The following ALPK3 variants were observed in gnomAD, a reference collection of about 807,000 sequenced individuals.
ALPK3 encodes alpha-protein kinase 3.
ALPK3 carries 102 observed loss-of-function variants against 140.0 expected under a neutral mutation model. The ratio of observed to expected loss-of-function variants is 0.73; its 90% confidence interval spans 0.62 to 0.86. The LOEUF (loss-of-function observed/expected upper bound fraction) is 0.86. Ranked by LOEUF, ALPK3 falls within the 40% of genes least tolerant of loss-of-function variation. ALPK3 has a pLI of 0.00. For missense variants in ALPK3, 2,254 were observed against 2,208.2 expected (o/e 1.02, Z -0.42); for synonymous variants, 938 against 898.5 (o/e 1.04, Z -0.79).
At chr15:84,823,640 C>T (rs1963453641) in intron 2 of ALPK3, among the ~76,000 whole-genome samples, 1 of 152,190 alleles carries the variant, frequency 6.6e-6, no homozygotes. Flanking sequence ...AATGACATCT[C>T]TGTGTCCCTA....
Position 84,868,693 on chromosome 15 carries a change from A to C in ALPK3, c.*237A>C. The C allele has an allele frequency of 1.8e-6, 1 of 566,732 alleles. No individual in the cohort carries two copies. Among genetic ancestry groups the C allele is most frequent in the Admixed American group, 3.1e-5 (1 of 32,508 alleles). The allele number at this position is 566,732 out of a possible 1,614,324, so 35.1% of individuals were successfully genotyped here. ...CTGTCACCCAGGGCTCCCGGGCCTCAAGCAGTCCCCACCTCCAAGTGCCTG... is the reference window on the plus strand; with the variant it reads ...CTGTCACCCAGGGCTCCCGGGCCTCCAGCAGTCCCCACCTCCAAGTGCCTG... On this transcript the variant is annotated 3_prime_UTR_variant, in exon 14 of 14. Coordinates refer to ENST00000258888, the MANE Select transcript of ALPK3 (RefSeq NM_020778.5).
chr15:84,832,577 C>T (rs1596147587), intron 3 of ALPK3, among the ~76,000 whole-genome samples: 1 of 152,158 alleles, frequency 6.6e-6, no homozygotes, highest in South Asian at 2.1e-4. Context: ...AGAGCTCTTG[C>T]TCCATCCTCC....
At position 84,817,566 on chromosome 15, in the gene ALPK3, C is replaced by G; in HGVS notation, c.114C>G (p.Ser38Arg). 6.7e-7 allele frequency: 1 copy of G among 1,502,406 alleles called. No individual in the cohort carries two copies. Among genetic ancestry groups the G allele is most frequent in the African/African-American group, 1.4e-5 (1 of 69,034 alleles). 93.1% of individuals were successfully genotyped at this position (1,502,406 alleles called of 1,614,324 possible). ...GGATCCCCAGCCCAGCCAGCCGGAG[C>G]TACCTGCTCAGCGTGCGGCCCGAGA... ...PVWIPSPASR[S>R]YLLSVRPETS... Residue 38 changes from serine (S) to arginine (R), a missense_variant, in exon 1 of 14, where the codon AGC becomes AGG. Ser to Arg is a moderately radical substitution (Grantham distance 110, BLOSUM62 -1). Coordinates refer to ENST00000258888, the MANE Select transcript of ALPK3 (RefSeq NM_020778.5).
At chr15:84,867,467 GC>G (rs1225755865) in intron 13 of ALPK3, 102 bp downstream of exon 13, 1 of 1,379,846 alleles carries the variant, frequency 7.2e-7, no homozygotes, top group African/African-American at 1.4e-5. Context: ...TGGGCCTGGG[GC>G]CAAGTGGTCC....
chr15:84,839,998 G>T lies in ALPK3; in HGVS notation c.719G>T (p.Arg240Met), dbSNP rs1165632011. The change falls in exon 5 of 14, where the codon AGG (arginine) becomes ATG (methionine). Residue 240 changes from arginine (R) to methionine (M), a missense_variant. By Grantham distance (91) the Arg-to-Met change is moderately conservative. Transcript: ENST00000258888. Reference protein sequence around the residue: ...AQAPGPSVPTREPEGGTLAAW... With the variant: ...AQAPGPSVPTMEPEGGTLAAW... The stretch of plus-strand genomic sequence containing the variant: ...GCGCCGGGCCCCTCGGTCCCTACCA[G>T]GGAGCCTGAGGGTGGGACCCTGGCG... The T allele has an allele frequency of 6.2e-7, 1 of 1,613,590 alleles. No individual in the cohort carries two copies. The highest frequency in any genetic ancestry group is 1.7e-5 in the Admixed American group (1 of 59,900).
At chr15:84,848,828 A>G (rs551012875) in intron 5 of ALPK3, among the ~76,000 whole-genome samples, 4 of 152,300 alleles carry the variant, frequency 2.6e-5, no homozygotes, top group African/African-American at 9.6e-5. Flanking sequence ...TTAATATCAG[A>G]CAGAGTAGAT....
chr15:84,867,162 A>G (rs142115663), intron 12 of ALPK3, among the ~76,000 whole-genome samples, 155 bp from the exon 13 acceptor site: 44 of 151,808 alleles, frequency 2.9e-4, no homozygotes, highest in African/African-American at 1.1e-3. Context: ...ACTGACACCC[A>G]GGAAGTTGAT....
rs878956261 is a variant in ALPK3 at position 84,859,450 on chromosome 15, G to T, written c.3965+60G>T. On this transcript the variant is annotated intron_variant, in intron 7 of 13. Coordinates refer to ENST00000258888, the MANE Select transcript of ALPK3 (RefSeq NM_020778.5). ...TCCCTGATTGCAGTAATACCGTTGG[G>T]CACTGTCCTAGTGCTTTGAACCTAT... 1.9e-6 allele frequency: 3 copies of T among 1,596,500 alleles called. No individual in the cohort carries two copies. The East Asian group carries it at 6.7e-5, about 36-fold the overall frequency.
At chr15:84,824,326 C>A (rs1414527818) in intron 2 of ALPK3, among the ~76,000 whole-genome samples, 5 of 152,176 alleles carry the variant, frequency 3.3e-5, no homozygotes, top group Admixed American at 6.5e-5. Flanking sequence ...TGTCTTCTTG[C>A]CTCCTGAACT....
rs1284321608 is a variant in ALPK3 at position 84,869,698 on chromosome 15, CA to C, written c.*1243del. 1 of 152,684 alleles carries C rather than the reference CA, an allele frequency of 6.5e-6. No homozygotes were observed. Among genetic ancestry groups the C allele is most frequent in the African/African-American group, 2.4e-5 (1 of 41,448 alleles). 9.5% of individuals were successfully genotyped at this position (152,684 alleles called of 1,614,324 possible). The stretch of plus-strand genomic sequence containing the variant: ...GGAGGCCTGGGATGGGGTAGGTCTG[CA>C]GCTAGCCTACTCCCTTTGGAATGCA... On this transcript the variant is annotated 3_prime_UTR_variant, in exon 14 of 14. Transcript: ENST00000258888.
At chr15:84,841,044 TGGGGAGGGACTGGAG>T in intron 5 of ALPK3, 112 bp downstream of exon 5, 1 of 1,383,732 alleles carries the variant, frequency 7.2e-7, no homozygotes, top group Non-Finnish European at 9.5e-7. Context: ...TAGAAAGGGG[TGGGGAGGGACTGGAG>T]TGCCAGCTAC....
At chr15:84,838,600 C>CATT (rs10625181) in intron 3 of ALPK3, among the ~76,000 whole-genome samples, 13,976 of 114,898 alleles carry the variant, frequency 0.12, 873 homozygotes, top group Non-Finnish European at 0.14. Context: ...TCTCTCCTCC[C>CATT]ATTATTATTA....
rs1193683413 is a variant in ALPK3 at position 84,858,113 on chromosome 15, A to T, written c.3375A>T (p.Gly1125=). 6.3e-7 allele frequency: 1 copy of T among 1,579,084 alleles called. No individual in the cohort carries two copies. Among genetic ancestry groups the T allele is most frequent in the Middle Eastern group, 1.7e-4 (1 of 5,852 alleles). ...AGGCGGGTGGGCAGGCAGCCCCTGG[A>T]CAGGGGCCCTCAGCAGAGAGCATAG... ...LGEAGGQAAP[G]QGPSAESIAQ... Residue 1125 remains glycine (G), a synonymous_variant, in exon 6 of 14, where the codon GGA becomes GGT. Transcript: ENST00000258888.
rs1022937139 is a variant in ALPK3 at position 84,868,560 on chromosome 15, C to G, written c.*104C>G. 1.7e-6 allele frequency: 2 copies of G among 1,145,006 alleles called. No individual in the cohort carries two copies. The highest frequency in any genetic ancestry group is 2.4e-6 in the Non-Finnish European group (2 of 831,958). The allele number at this position is 1,145,006 out of a possible 1,614,324, so 70.9% of individuals were successfully genotyped here. A position where few individuals can be genotyped will look rare whatever the true frequency, so the allele number is the denominator to read the frequency against. On this transcript the variant is annotated 3_prime_UTR_variant, in exon 14 of 14. Transcript: ENST00000258888. ...TATGGAACTAACTGGAGAAGGTGCA[C>G]GAAGGAGACACCACTTGGGGACCTC...
At chr15:84,845,952 C>T (rs973836011) in intron 5 of ALPK3, among the ~76,000 whole-genome samples, 8 of 152,216 alleles carry the variant, frequency 5.3e-5, no homozygotes, top group South Asian at 2.1e-4. Flanking sequence ...CCCACCTACT[C>T]GGGAGGCTGA....
Position 84,854,346 on chromosome 15 carries a change from G to T in ALPK3, c.1654-2046G>T, listed in dbSNP as rs139519478. Among the ~76,000 whole-genome samples the T allele has an allele frequency of 6.4e-3, 974 of 152,038 alleles. 5 individuals are homozygous for T. The highest frequency in any genetic ancestry group is 0.01 in the East Asian group (53 of 5,174). ...CTTGTTGCCCAAGCTGGAGTCCACTGGCACGATCTTGGCTCACTGCAACCT... is the reference window on the plus strand; with the variant it reads ...CTTGTTGCCCAAGCTGGAGTCCACTTGCACGATCTTGGCTCACTGCAACCT... On this transcript the variant is annotated intron_variant, in intron 5 of 13. Transcript: ENST00000258888.
At position 84,856,436 on chromosome 15, in the gene ALPK3, C is replaced by G. The variant is rs1255850075; in HGVS notation, c.1698C>G (p.Ser566Arg). Residue 566 changes from serine to arginine, a missense_variant, in exon 6 of 14, where the codon AGC (serine) becomes AGG (arginine). Physicochemically the swap from Ser to Arg is moderately radical, Grantham distance 110. Around this residue, in one of 3 missense-constraint regions of ALPK3, gnomAD observed 2,088 missense variants for 2,022.9 expected, o/e 1.03. Coordinates refer to ENST00000258888, the MANE Select transcript of ALPK3 (RefSeq NM_020778.5). ...CCACGGCTCCTACCATGTCGGCCAG[C>G]AGCAGCTCTGATGTAGCCTCCATTG... ...QTTTAPTMSA[S>R]SSSDVASIGV... The G allele has an allele frequency of 6.2e-7, 1 of 1,611,434 alleles. No homozygotes were observed. The highest frequency in any genetic ancestry group is 8.5e-7 in the Non-Finnish European group (1 of 1,178,960).
intron 12 of ALPK3, among the ~76,000 whole-genome samples, chr15:84,866,557 G>A (rs868515768): frequency 9.2e-5 from 14 of 152,224 alleles, no homozygotes; most frequent in African/African-American, 3.1e-4. Context: ...GGGGGAAAGA[G>A]CATCCTAAAC....
intron 4 of ALPK3, among the ~76,000 whole-genome samples, 198 bp downstream of exon 4, chr15:84,839,295 G>C (rs189877322): frequency 1.1e-4 from 16 of 152,352 alleles, no homozygotes; most frequent in Admixed American, 8.5e-4. Context: ...TAAGGCCAGA[G>C]TGGGAGTATT....
Sources: allele counts gnomAD v4.1 joint callset (sites outside exome capture counted in the v4.1 genomes callset), GRCh38; gene constraint gnomAD v4.1.1; regional missense constraint gnomAD v4.1.1; transcripts MANE v1.5; gene names NCBI Gene and HGNC (gene_info 2026-07-23, HGNC 2026-07-21).